The following DCAF6 variants were observed in gnomAD, a reference collection of about 807,000 sequenced individuals.
The protein encoded by DCAF6 is DDB1- and CUL4-associated factor 6.
A neutral mutation model predicts 125.1 loss-of-function variants in DCAF6; 54 were observed. The ratio of observed to expected loss-of-function variants is 0.43; its 90% CI spans 0.35 to 0.54. DCAF6 has a LOEUF of 0.54. Among genes scored for constraint, DCAF6 ranks in the 20% least tolerant of loss-of-function variants. The pLI, the probability that DCAF6 is intolerant of heterozygous loss-of-function variation, is 0.01. For synonymous variants in DCAF6, 371 were observed against 390.4 expected (o/e 0.95, Z 0.58); for missense variants, 934 against 1,161.7 (o/e 0.80, Z 2.85).
the DCAF6 span, among the ~76,000 whole-genome samples, chr1:167,882,719 TAGTGAGAGGTAGCCC>T: frequency 6.6e-6 from 1 of 151,840 alleles, no homozygotes; most frequent in Middle Eastern, 3.4e-3. Context: ...TAGCCCAGCG[TAGTGAGAGGTAGCCC>T]AGCATAGTGA....
intron 12 of DCAF6, among the ~76,000 whole-genome samples, chr1:168,033,560 A>G (rs1572027966): frequency 6.7e-6 from 1 of 149,380 alleles, no homozygotes; most frequent in Non-Finnish European, 1.5e-5. Flanking sequence ...CTCATGATCC[A>G]CCCGCCTCGG....
At chr1:167,971,001 A>G (rs1677221318) in intron 3 of DCAF6, among the ~76,000 whole-genome samples, 2 of 152,298 alleles carry the variant, frequency 1.3e-5, no homozygotes, top group East Asian at 1.9e-4. Context: ...TTTGTAAAAT[A>G]AATTCCAAAT....
At chr1:168,000,165 GT>G (rs1682372590) in intron 7 of DCAF6, among the ~76,000 whole-genome samples, 1 of 152,116 alleles carries the variant, frequency 6.6e-6, no homozygotes, top group African/African-American at 2.4e-5. Flanking sequence ...CAGCTGGTCA[GT>G]GAAGCAGTCA....
Position 168,058,474 on chromosome 1 carries a change from G to A in DCAF6, c.2301-5147G>A, listed in dbSNP as rs529637601. On this transcript the variant is annotated intron_variant, in intron 17 of 21. Transcript: ENST00000367840. ...TATCTTGATTTTTCTAATTGATTTG[G>A]TAAACAATAATATGGTCTTGATGTT... 2.1e-3 allele frequency among the ~76,000 whole-genome samples: 320 copies of A among 152,142 alleles called. 1 individual carries two copies. The highest frequency in any genetic ancestry group is 7.3e-3 in the African/African-American group (304 of 41,512).
At chr1:167,971,569 T>C (rs985463924) in intron 3 of DCAF6, among the ~76,000 whole-genome samples, 1 of 152,180 alleles carries the variant, frequency 6.6e-6, no homozygotes, top group East Asian at 1.9e-4. Context: ...TTTGGGAGTG[T>C]TGTACGTGAC....
At chr1:168,034,004 A>G (rs941569568) in intron 12 of DCAF6, among the ~76,000 whole-genome samples, 3 of 152,246 alleles carry the variant, frequency 2.0e-5, no homozygotes, top group African/African-American at 7.2e-5. Context: ...AAGATACAAC[A>G]TAGTTTTCCT....
chr1:168,057,373 T>G (rs893214973), intron 17 of DCAF6, among the ~76,000 whole-genome samples: 5 of 152,214 alleles, frequency 3.3e-5, no homozygotes, highest in Admixed American at 2.6e-4. Context: ...TGGAGTTATC[T>G]CCAAGATTCC....
the DCAF6 span, chr1:167,883,674 T>A: frequency 2.5e-6 from 4 of 1,594,340 alleles, no homozygotes; most frequent in South Asian, 4.4e-5. Context: ...TGGCAGTGGA[T>A]CCCTCCCCCA....
intron 11 of DCAF6, among the ~76,000 whole-genome samples, chr1:168,021,882 A>G (rs1186934338): frequency 6.6e-6 from 1 of 152,230 alleles, no homozygotes; most frequent in East Asian, 1.9e-4. Context: ...AAAATATGCC[A>G]TTATGAGCAG....
chr1:167,864,090 C>CTTTGGT, the DCAF6 span, among the ~76,000 whole-genome samples: 1 of 152,154 alleles, frequency 6.6e-6, no homozygotes, highest in Non-Finnish European at 1.5e-5. Context: ...TTGCTTGATA[C>CTTTGGT]TTTGGTTTTG....
intron 12 of DCAF6, among the ~76,000 whole-genome samples, chr1:168,027,175 G>A (rs1686443028): frequency 2.0e-5 from 3 of 152,100 alleles, no homozygotes; most frequent in Non-Finnish European, 4.4e-5. Flanking sequence ...GCAGAAGCCA[G>A]ATAGTAGTGG....
chr1:167,884,083 A>T, the DCAF6 span, among the ~76,000 whole-genome samples: 1 of 152,210 alleles, frequency 6.6e-6, no homozygotes, highest in Non-Finnish European at 1.5e-5. Flanking sequence ...CCCCTCAAGC[A>T]TTTATCCTTT....
In DCAF6 at chr1:167,991,302, A is replaced by G. The variant is rs1439091285; in HGVS notation, c.651A>G (p.Arg217=). 6.2e-7 allele frequency: 1 copy of G among 1,613,244 alleles called. No individual in the cohort carries two copies. The highest frequency in any genetic ancestry group is 1.3e-5 in the African/African-American group (1 of 74,884). ...TTGGTTGTTCTGACAGCTCAGTACG[A>G]ATATATGATCGGCGAATGCTGGGCA... The part of the protein sequence containing the change: ...LAVGCSDSSV[R]IYDRRMLGTR... Residue 217 remains arginine, a synonymous_variant, in exon 6 of 22, where the codon CGA becomes CGG. Transcript: ENST00000367840.
intron 4 of DCAF6, among the ~76,000 whole-genome samples, chr1:167,981,233 A>G (rs1207981368): frequency 6.6e-6 from 1 of 152,080 alleles, no homozygotes; most frequent in Non-Finnish European, 1.5e-5. Flanking sequence ...TAGGAGTTTT[A>G]TACTTTCAGT....
the DCAF6 span, among the ~76,000 whole-genome samples, chr1:167,911,340 T>A: frequency 6.6e-6 from 1 of 152,270 alleles, no homozygotes; most frequent in South Asian, 2.1e-4. Context: ...CTGCTAGCCA[T>A]AATAAAGAAA....
At chr1:168,068,284 CG>C in intron 20 of DCAF6, 73 bp from the exon 21 acceptor site, 2 of 993,494 alleles carry the variant, frequency 2.0e-6, no homozygotes, top group Non-Finnish European at 3.1e-6. Context: ...TGATTGTTTA[CG>C]GTTTGCCTGA....
chr1:167,880,459 G>C, the DCAF6 span: 3 of 1,515,696 alleles, frequency 2.0e-6, no homozygotes, highest in South Asian at 3.4e-5. Context: ...AAGGGTCAGG[G>C]ACCGCTGGGT....
the DCAF6 span, chr1:167,893,783 TAA>T: frequency 1.9e-6 from 2 of 1,079,428 alleles, no homozygotes; most frequent in Admixed American, 3.8e-5. Context: ...TTTTTTTTCT[TAA>T]ATCTTAAAAT....
At chr1:168,052,361 A>C (rs1165333623) in intron 17 of DCAF6, among the ~76,000 whole-genome samples, 1 of 152,228 alleles carries the variant, frequency 6.6e-6, no homozygotes, top group Non-Finnish European at 1.5e-5. Flanking sequence ...AAGCTGAAAC[A>C]CTAAAGTAGA....
Sources: allele counts gnomAD v4.1 joint callset (sites outside exome capture counted in the v4.1 genomes callset), GRCh38; gene constraint gnomAD v4.1.1; transcripts MANE v1.5; gene names NCBI Gene and HGNC (gene_info 2026-07-23, HGNC 2026-07-21).